SYCP1: variants seen among roughly 807,000 people sequenced by gnomAD.
The protein encoded by SYCP1 is synaptonemal complex protein 1.
In SYCP1, 64 loss-of-function variants were observed where a neutral mutation model predicts 153.1. That is an observed-to-expected ratio of 0.42 (90% CI 0.34 to 0.51). The LOEUF (loss-of-function observed/expected upper bound fraction) is 0.51, where lower values mean the gene tolerates loss of function less well. Among genes scored for constraint, SYCP1 ranks in the 20% least tolerant of loss-of-function variants. The probability of loss-of-function intolerance (pLI) is 0.06; values close to 1 mark genes in which losing one functional copy is unlikely to be tolerated. For missense variants in SYCP1, 997 were observed against 1,049.0 expected (o/e 0.95, Z 0.68); for synonymous variants, 384 against 341.8 (o/e 1.12, Z -1.36).
intron 23 of SYCP1, among the ~76,000 whole-genome samples, chr1:114,927,444 C>A (rs185056285): frequency 6.6e-5 from 10 of 152,132 alleles, no homozygotes; most frequent in African/African-American, 2.4e-4. Context: ...CAGATAAAGT[C>A]TTTTATGCAG....
chr1:114,934,188 G>T (rs993589419), intron 23 of SYCP1, among the ~76,000 whole-genome samples: 2 of 152,210 alleles, frequency 1.3e-5, no homozygotes, highest in Non-Finnish European at 2.9e-5. Flanking sequence ...ACAAAGGGAA[G>T]GCCATCAGAC....
At chr1:114,955,863 T>C (rs1032675598) in intron 27 of SYCP1, among the ~76,000 whole-genome samples, 2 of 152,222 alleles carry the variant, frequency 1.3e-5, no homozygotes, top group Admixed American at 1.3e-4. Context: ...CCCAGTCCTC[T>C]AAGTGGCTTG....
In SYCP1 at chr1:114,914,051, A is replaced by C. The variant is rs200634567; in HGVS notation, c.1718+6A>C. On this transcript the variant is annotated splice_donor_region_variant and intron_variant, in intron 20 of 31. Coordinates refer to ENST00000369522, the MANE Select transcript of SYCP1 (RefSeq NM_003176.4). ...GAAACAGAAACCCAATTAAGGCAAGACTAACAAATTGGCCTTTTTTTGTCT... is the reference window on the plus strand; with the variant it reads ...GAAACAGAAACCCAATTAAGGCAAGCCTAACAAATTGGCCTTTTTTTGTCT... 19 of 1,542,294 alleles carry C rather than the reference A, an allele frequency of 1.2e-5. No homozygotes were observed. The highest frequency in any genetic ancestry group is 1.7e-4 in the Middle Eastern group (1 of 5,784).
intron 5 of SYCP1, among the ~76,000 whole-genome samples, chr1:114,857,852 T>C (rs1249642037): frequency 6.6e-6 from 1 of 152,106 alleles, no homozygotes; most frequent in Non-Finnish European, 1.5e-5. Flanking sequence ...ATACTTTTGA[T>C]TTTAGTTATA....
rs372411328 is a variant in SYCP1 at position 114,959,670 on chromosome 1, T to G, written c.2322+12350T>G. Among the ~76,000 whole-genome samples the G allele has an allele frequency of 1.9e-4, 29 of 152,090 alleles. 1 individual carries two copies. The East Asian group carries it at 4.4e-3, about 23-fold the overall frequency. On this transcript the variant is annotated intron_variant, in intron 27 of 31. Transcript: ENST00000369522. ...TTGTGCTATCAAATGCTATATCTTA[T>G]TCATTCTTTCTATTTTTTATATCCA... is the stretch of plus-strand genomic sequence containing the variant.
chr1:114,903,183 A>G (rs1483566537), intron 16 of SYCP1, among the ~76,000 whole-genome samples: 1 of 152,178 alleles, frequency 6.6e-6, no homozygotes, highest in Non-Finnish European at 1.5e-5. Context: ...TGTCTGAAGA[A>G]CAAAAACAAA....
At chr1:114,984,700 T>C in intron 29 of SYCP1, 25 bp from the exon 30 acceptor site, 3 of 1,333,926 alleles carry the variant, frequency 2.2e-6, no homozygotes, top group Non-Finnish European at 2.9e-6. Flanking sequence ...GATATGATAA[T>C]GTATGGTTTT....
Position 114,946,377 on chromosome 1 carries a change from C to A in SYCP1, c.2243C>A (p.Ser748Tyr). The A allele has an allele frequency of 6.3e-7, 1 of 1,578,436 alleles. No homozygotes were observed. The highest frequency in any genetic ancestry group is 1.2e-5 in the South Asian group (1 of 86,064). ...CAAGAACAGTCATCACTGAGAGCAT[C>A]TTTGGTGAGATACAGAAAAAATTGC... ...KEQEQSSLRA[S>Y]LEIELSNLKA... The change falls in exon 26 of 32, where the codon TCT becomes TAT. Residue 748 changes from serine to tyrosine, a missense_variant. By Grantham distance (144) the Ser-to-Tyr change is moderately radical (BLOSUM62 -2). This residue lies in a region of SYCP1 where 712 missense variants were observed against 682.9 expected (regional missense o/e 1.04). Transcript: ENST00000369522.
chr1:114,956,762 T>C (rs1671461214), intron 27 of SYCP1, among the ~76,000 whole-genome samples: 1 of 152,174 alleles, frequency 6.6e-6, no homozygotes, highest in African/African-American at 2.4e-5. Context: ...AAGTGTGGAC[T>C]TAGAGCATCC....
intron 23 of SYCP1, among the ~76,000 whole-genome samples, chr1:114,933,478 A>G (rs571477852): frequency 6.6e-6 from 1 of 152,350 alleles, no homozygotes; most frequent in Non-Finnish European, 1.5e-5. Flanking sequence ...AATTGTAAAA[A>G]TCAGAGTGCC....
chr1:114,926,417 C>A, intron 22 of SYCP1, 77 bp downstream of exon 22: 1 of 1,481,428 alleles, frequency 6.8e-7, no homozygotes, highest in Non-Finnish European at 9.0e-7. Flanking sequence ...GCTTTCCCTT[C>A]CTTTAGTAAT....
chr1:114,877,955 G>C, intron 11 of SYCP1, 139 bp from the exon 12 acceptor site: 1 of 527,850 alleles, frequency 1.9e-6, no homozygotes, highest in South Asian at 2.5e-5. Flanking sequence ...CTGCCAGGGA[G>C]TAGAGACCAG....
At chr1:114,895,906 A>C (rs2101599731) in intron 16 of SYCP1, among the ~76,000 whole-genome samples, 1 of 152,212 alleles carries the variant, frequency 6.6e-6, no homozygotes, top group South Asian at 2.1e-4. Context: ...TGTAGGGTAA[A>C]ATTTCATTGT....
rs1445336160 is a variant in SYCP1 at position 114,947,260 on chromosome 1, C to T, written c.2262C>T (p.Ser754=). ...SLRASLEIEL[S]NLKAELLSVK... is the part of the protein sequence containing the mutation. ...TTTTTCTTTAGGAGATTGAACTATC[C>T]AATCTCAAAGCTGAACTTTTGTCTG... Residue 754 remains serine (S), a synonymous_variant, in exon 27 of 32, where the codon TCC becomes TCT. Transcript: ENST00000369522. 6.2e-7 allele frequency: 1 copy of T among 1,612,078 alleles called. No individual in the cohort carries two copies.
At chr1:114,925,379 A>AAAATATT (rs1669189628) in intron 21 of SYCP1, among the ~76,000 whole-genome samples, 2 of 152,160 alleles carry the variant, frequency 1.3e-5, no homozygotes, top group Admixed American at 6.6e-5. Context: ...GCCAATATAG[A>AAAATATT]AAATATTAGT....
chr1:114,927,414 A>G (rs990537388), intron 23 of SYCP1, among the ~76,000 whole-genome samples: 14 of 152,198 alleles, frequency 9.2e-5, no homozygotes, highest in Admixed American at 9.2e-4. Context: ...ACACTGAAAT[A>G]ACCCAGATGT....
At chr1:114,944,568 G>A in intron 24 of SYCP1, 113 bp downstream of exon 24, 2 of 697,674 alleles carry the variant, frequency 2.9e-6, no homozygotes, top group Non-Finnish European at 4.7e-6. Context: ...TTTTAGAAAA[G>A]GGTTAGTAAA....
In SYCP1 at chr1:114,876,830, CTT is replaced by C. The variant is rs781425925; in HGVS notation, c.801+22_801+23del. ...AAGCAGGTTTTTTAAAAAACCAACT[CTT>C]TGTATTCTTTATATTTGCTAATTCA... On this transcript the variant is annotated intron_variant, in intron 11 of 31. Transcript: ENST00000369522. 6.2e-6 allele frequency: 8 copies of C among 1,291,036 alleles called. No individual in the cohort carries two copies. In the East Asian group the frequency reaches 2.4e-4, roughly 39 times the overall value. 80.0% of individuals were successfully genotyped at this position (1,291,036 alleles called of 1,614,324 possible).
At chr1:114,899,463 T>A (rs1052589501) in intron 16 of SYCP1, among the ~76,000 whole-genome samples, 15 of 152,226 alleles carry the variant, frequency 9.9e-5, no homozygotes, top group African/African-American at 3.6e-4. Flanking sequence ...TACATTTCCC[T>A]TTATTCCAGT....
Sources: gnomAD v4.1 joint callset for allele counts (sites outside exome capture counted in the v4.1 genomes callset) on GRCh38, gnomAD v4.1.1 for gene constraint, gnomAD v4.1.1 regional missense constraint, MANE v1.5 for transcripts, NCBI Gene and HGNC (gene_info 2026-07-23, HGNC 2026-07-21) for gene names.